The following SOS1 variants were observed in gnomAD, a reference collection of about 807,000 sequenced individuals.
SOS1 encodes the protein son of sevenless homolog 1.
SOS1 carries 25 observed loss-of-function variants against 157.6 expected under a neutral mutation model. The ratio of observed to expected loss-of-function variants is 0.16; its 90% CI spans 0.12 to 0.22. SOS1 has a LOEUF of 0.22. SOS1 is among the 10% of genes least tolerant of loss of function. The probability of loss-of-function intolerance (pLI) is 1.00; values close to 1 mark genes in which losing one functional copy is unlikely to be tolerated. For missense variants in SOS1, 1,237 were observed against 1,599.1 expected, an observed-to-expected ratio of 0.77 and a Z score of 3.86; for synonymous variants, 528 against 534.0, an observed-to-expected ratio of 0.99 and a Z score of 0.16.
rs949920192 is a variant in SOS1, at chr2:39,086,062, C to T, written c.88-18309G>A. Among the ~76,000 whole-genome samples, 7 of 152,200 alleles carry T rather than the reference C, an allele frequency of 4.6e-5. No homozygotes were observed. The South Asian group carries it at 1.4e-3, about 31-fold the overall frequency. ...TTACTTACTCCTTCTGGTAATATTA[C>T]ATACCAATATATTGCCAATCTTTAA... On this transcript the variant is annotated intron_variant, in intron 1 of 22. Coordinates refer to ENST00000402219, the MANE Select transcript of SOS1 (RefSeq NM_005633.4).
rs1558453022 is a variant in SOS1 at position 38,983,578 on chromosome 2, T to TTG, written c.*2245_*2246insCA. The TTG allele has an allele frequency of 1.3e-5, 2 of 151,906 alleles. No individual in the cohort carries two copies. Among genetic ancestry groups the TTG allele is most frequent in the Non-Finnish European group, 2.9e-5 (2 of 67,972 alleles). 9.4% of individuals were successfully genotyped at this position (151,906 alleles called of 1,614,324 possible). Reference sequence around the variant, plus strand: ...GATAGGTTGAAAAGGGGTTATCACCTTATTGAAGGCTAACACATTAGCCGA... The same window carrying TTG: ...GATAGGTTGAAAAGGGGTTATCACCTTGTATTGAAGGCTAACACATTAGCCGA... On this transcript the variant is annotated 3_prime_UTR_variant, in exon 23 of 23. Coordinates refer to ENST00000402219, the MANE Select transcript of SOS1 (RefSeq NM_005633.4).
chr2:39,110,109 G>A (rs180721305), intron 1 of SOS1, among the ~76,000 whole-genome samples: 2 of 140,656 alleles, frequency 1.4e-5, no homozygotes, highest in Admixed American at 7.2e-5. Context: ...GTCATCCCTC[G>A]GTATCCATGG....
rs551384879 is a variant in SOS1 at position 38,982,293 on chromosome 2, T to C, written c.*3531A>G. The C allele has an allele frequency of 2.0e-5, 3 of 152,326 alleles. No homozygotes were observed. Among genetic ancestry groups the C allele is most frequent in the African/African-American group, 7.2e-5 (3 of 41,578 alleles). The allele number at this position is 152,326 out of a possible 1,614,324, so 9.4% of individuals were successfully genotyped here. ...GTGCTTTTGTTGTTTAGATTTATAA[T>C]ATAGACTTCATGCTTCTTAAGTAGA... On this transcript the variant is annotated 3_prime_UTR_variant, in exon 23 of 23. Coordinates refer to ENST00000402219, the MANE Select transcript of SOS1 (RefSeq NM_005633.4).
chr2:39,007,222 G>A (rs762522066), intron 15 of SOS1, 29 bp from the exon 16 acceptor site: 2 of 1,374,706 alleles, frequency 1.5e-6, no homozygotes, highest in South Asian at 2.3e-5. Context: ...TGAACTAAAG[G>A]TTTTAGAGTT....
At chr2:39,093,485 A>T in intron 1 of SOS1, among the ~76,000 whole-genome samples, 1 of 152,208 alleles carries the variant, frequency 6.6e-6, no homozygotes, top group East Asian at 1.9e-4. Flanking sequence ...CCAAGTATAT[A>T]AGCAGTTCTG....
At chr2:39,083,602 C>A (rs901272453) in intron 1 of SOS1, among the ~76,000 whole-genome samples, 1 of 152,044 alleles carries the variant, frequency 6.6e-6, no homozygotes, top group Admixed American at 6.6e-5. Context: ...ATAGACTGTT[C>A]TTGGAAAAAG....
In SOS1 at chr2:39,013,969, T is replaced by C. The variant is rs1669546886; in HGVS notation, c.1961A>G (p.Glu654Gly). ...IIERFEIPEP[E>G]PTEADRIAIE... ...AGCTATGCGATCAGCTTCTGTTGGCTCAGGCTCTGGAATTTCAAACCTAAC... is the reference window on the plus strand; with the variant it reads ...AGCTATGCGATCAGCTTCTGTTGGCCCAGGCTCTGGAATTTCAAACCTAAC... Residue 654 changes from glutamate to glycine, a missense_variant, in exon 12 of 23, where the codon GAG becomes GGG. By Grantham distance (98) the Glu-to-Gly change is moderately conservative (BLOSUM62 -2). Transcript: ENST00000402219. 3 of 1,605,498 alleles carry C rather than the reference T, an allele frequency of 1.9e-6. No homozygotes were observed. The highest frequency in any genetic ancestry group is 2.6e-6 in the Non-Finnish European group (3 of 1,173,066).
Position 39,062,326 on chromosome 2 carries a change from G to C in SOS1, c.214-3522C>G, listed in dbSNP as rs983506289. ...CCAGCTACTCAGGAGGCTGAGGCAC[G>C]AGAATCACTTGAACCTGGGAGGCGA... On this transcript the variant is annotated intron_variant, in intron 2 of 22. Coordinates refer to ENST00000402219, the MANE Select transcript of SOS1 (RefSeq NM_005633.4). Among the ~76,000 whole-genome samples the C allele has an allele frequency of 2.0e-5, 3 of 151,030 alleles. No individual in the cohort carries two copies. In the East Asian group the frequency reaches 5.8e-4, roughly 29 times the overall value.
chr2:38,990,170 GT>G (rs57752950), intron 20 of SOS1, among the ~76,000 whole-genome samples: 2,105 of 135,126 alleles, frequency 0.016, 19 homozygotes, highest in Non-Finnish European at 0.024. Flanking sequence ...TTCAGATTTC[GT>G]TTTTTTTTTT....
intron 6 of SOS1, among the ~76,000 whole-genome samples, chr2:39,038,183 C>G (rs1363492260): frequency 6.6e-6 from 1 of 152,132 alleles, no homozygotes; most frequent in Non-Finnish European, 1.5e-5. Context: ...ATTCACCATT[C>G]TAGATGCCAG....
chr2:39,081,620 T>A (rs758293700), intron 1 of SOS1, among the ~76,000 whole-genome samples: 42 of 151,694 alleles, frequency 2.8e-4, no homozygotes, highest in Non-Finnish European at 5.7e-4. Context: ...AGGTTAAGAG[T>A]TCGAGACCAG....
chr2:39,018,572 C>A, intron 10 of SOS1, among the ~76,000 whole-genome samples: 1 of 151,764 alleles, frequency 6.6e-6, no homozygotes, highest in East Asian at 1.9e-4. Flanking sequence ...ATTTTAGGAA[C>A]TCAGAGTATA....
At chr2:39,109,561 C>T (rs1032927435) in intron 1 of SOS1, among the ~76,000 whole-genome samples, 1 of 152,152 alleles carries the variant, frequency 6.6e-6, no homozygotes, top group Non-Finnish European at 1.5e-5. Flanking sequence ...AGAGCACCAT[C>T]GTACTGCATT....
At chr2:39,012,018 A>G in intron 14 of SOS1, 108 bp downstream of exon 14, 8 of 831,980 alleles carry the variant, frequency 9.6e-6, no homozygotes, top group South Asian at 5.6e-5. Flanking sequence ...ACTTCATGTA[A>G]TATTTCAGTT....
In SOS1 at chr2:39,003,900, A is replaced by G. The variant is rs1006207999; in HGVS notation, c.2791+2512T>C. Among the ~76,000 whole-genome samples, 9 of 152,288 alleles carry G rather than the reference A, an allele frequency of 5.9e-5. No individual in the cohort carries two copies. In the South Asian group the frequency reaches 8.3e-4, roughly 14 times the overall value. ...CTTATTGGCTGTGGGGAAGTGTCCTATGCATTGCAGGATGTTAACAATATC... is the reference window on the plus strand; with the variant it reads ...CTTATTGGCTGTGGGGAAGTGTCCTGTGCATTGCAGGATGTTAACAATATC... On this transcript the variant is annotated intron_variant, in intron 17 of 22. Coordinates refer to ENST00000402219, the MANE Select transcript of SOS1 (RefSeq NM_005633.4).
intron 1 of SOS1, among the ~76,000 whole-genome samples, chr2:39,073,623 A>T (rs1311410356): frequency 6.6e-6 from 1 of 152,214 alleles, no homozygotes; most frequent in Non-Finnish European, 1.5e-5. Flanking sequence ...AAGTTCCAGC[A>T]GATTCTGAAG....
chr2:39,064,441 T>C (rs1033815136), intron 2 of SOS1, among the ~76,000 whole-genome samples: 1 of 152,190 alleles, frequency 6.6e-6, no homozygotes, highest in Non-Finnish European at 1.5e-5. Flanking sequence ...GAAATAATTT[T>C]CCATTTTCCT....
chr2:39,018,342 C>G (rs1421917985), intron 10 of SOS1, among the ~76,000 whole-genome samples: 1 of 151,722 alleles, frequency 6.6e-6, no homozygotes, highest in Non-Finnish European at 1.5e-5. Context: ...TTAGAGATAA[C>G]ATTACTTTGC....
chr2:39,111,408 C>T (rs1673430523), intron 1 of SOS1, among the ~76,000 whole-genome samples: 1 of 152,076 alleles, frequency 6.6e-6, no homozygotes, highest in South Asian at 2.1e-4. Context: ...ATCTTCATGA[C>T]AAAATGTTAG....
Sources: allele counts gnomAD v4.1 joint callset (sites outside exome capture counted in the v4.1 genomes callset), GRCh38; gene constraint gnomAD v4.1.1; transcripts MANE v1.5; gene names NCBI Gene and HGNC (gene_info 2026-07-23, HGNC 2026-07-21).